TBC1D12: variants seen among roughly 807,000 people sequenced by gnomAD.
TBC1D12 encodes the protein TBC1 domain family, member 12.
Under a neutral mutation model 86.7 loss-of-function variants are expected in TBC1D12, and 56 were observed. The ratio of observed to expected loss-of-function variants is 0.65; its 90% CI spans 0.52 to 0.81. The LOEUF (loss-of-function observed/expected upper bound fraction) is 0.81, where lower values mean the gene tolerates loss of function less well. TBC1D12 is among the 30% of genes least tolerant of loss of function. The pLI, the probability that TBC1D12 is intolerant of heterozygous loss-of-function variation, is 0.00. For synonymous variants in TBC1D12, 421 were observed against 411.7 expected, an observed-to-expected ratio of 1.02 and a Z score of -0.27; for missense variants, 1,023 against 1,038.8, an observed-to-expected ratio of 0.98 and a Z score of 0.21.
At chr10:94,451,146 T>C (rs2134105071) in intron 2 of TBC1D12, among the ~76,000 whole-genome samples, 1 of 152,124 alleles carries the variant, frequency 6.6e-6, no homozygotes, top group African/African-American at 2.4e-5. Context: ...TAGTTACCAA[T>C]AATATACAGT....
intron 2 of TBC1D12, among the ~76,000 whole-genome samples, chr10:94,471,355 A>G (rs1171220415): frequency 6.6e-6 from 1 of 151,216 alleles, no homozygotes; most frequent in South Asian, 2.1e-4. Context: ...GAGTTGCTTT[A>G]TATATTAAAT....
At chr10:94,472,186 T>C (rs1157823330) in intron 2 of TBC1D12, among the ~76,000 whole-genome samples, 1 of 152,208 alleles carries the variant, frequency 6.6e-6, no homozygotes, top group East Asian at 1.9e-4. Context: ...AGAGGATTGC[T>C]TGAGCCCAGG....
intron 4 of TBC1D12, among the ~76,000 whole-genome samples, chr10:94,496,169 G>A (rs918317815): frequency 6.6e-6 from 1 of 151,828 alleles, no homozygotes; most frequent in African/African-American, 2.4e-5. Context: ...GATGGTCTGA[G>A]GCATATCTGA....
intron 1 of TBC1D12, 48 bp from the exon 2 acceptor site, chr10:94,441,848 C>T: frequency 1.3e-6 from 2 of 1,584,496 alleles, no homozygotes; most frequent in Non-Finnish European, 1.7e-6. Context: ...TGTTAAATAG[C>T]TCTCTGGTTA....
chr10:94,482,817 C>T (rs930893452), intron 3 of TBC1D12, among the ~76,000 whole-genome samples: 3 of 152,094 alleles, frequency 2.0e-5, no homozygotes, highest in African/African-American at 7.2e-5. Flanking sequence ...CTGTCCTTCC[C>T]AGCCTTAGGT....
intron 2 of TBC1D12, among the ~76,000 whole-genome samples, chr10:94,445,447 T>C (rs2055447916): frequency 6.6e-6 from 1 of 152,138 alleles, no homozygotes; most frequent in African/African-American, 2.4e-5. Context: ...AGAGTTGAAA[T>C]GTAGTTGCTG....
At chr10:94,430,126 A>G (rs1466449455) in intron 1 of TBC1D12, among the ~76,000 whole-genome samples, 2 of 152,198 alleles carry the variant, frequency 1.3e-5, no homozygotes, top group African/African-American at 2.4e-5. Flanking sequence ...CCAGGGCTCA[A>G]GCAGTCCTCC....
rs545414306 is a variant in TBC1D12 at position 94,534,852 on chromosome 10, A to G, written c.*1756A>G. On this transcript the variant is annotated 3_prime_UTR_variant, in exon 13 of 13. Coordinates refer to ENST00000225235, the MANE Select transcript of TBC1D12 (RefSeq NM_015188.2). ...GTGGTATGCCTGGCTTAACTGCTGA[A>G]AATAGAGCATTGAAACTCTTCACAA... is the stretch of plus-strand genomic sequence containing the variant. 7.0e-4 allele frequency: 106 copies of G among 152,284 alleles called. No individual in the cohort carries two copies. Among genetic ancestry groups the G allele is most frequent in the African/African-American group, 2.2e-3 (93 of 41,558 alleles). The allele number at this position is 152,284 out of a possible 1,614,324, so 9.4% of individuals were successfully genotyped here.
chr10:94,458,654 A>C (rs1266110618), intron 2 of TBC1D12, among the ~76,000 whole-genome samples: 1 of 151,982 alleles, frequency 6.6e-6, no homozygotes, highest in African/African-American at 2.4e-5. Flanking sequence ...TGATGTTTGG[A>C]TGTGTCTGAG....
intron 1 of TBC1D12, among the ~76,000 whole-genome samples, chr10:94,406,260 T>C (rs2054852891): frequency 6.6e-6 from 1 of 152,226 alleles, no homozygotes. Flanking sequence ...TTAATATAGC[T>C]AGATGACATT....
rs573412083 is a variant in TBC1D12 at position 94,423,488 on chromosome 10, C to T, written c.972-18408C>T. On this transcript the variant is annotated intron_variant, in intron 1 of 12. Transcript: ENST00000225235. ...TCAGCCTCCTGAGTAGCTGGGATTA[C>T]AGGTGCCCGCTACCACGCCCGGCTA... Among the ~76,000 whole-genome samples the T allele has an allele frequency of 1.3e-4, 20 of 151,944 alleles. No individual in the cohort carries two copies. The East Asian group carries it at 1.6e-3, about 12-fold the overall frequency.
chr10:94,490,154 C>T (rs542424469), intron 3 of TBC1D12, among the ~76,000 whole-genome samples: 3 of 151,850 alleles, frequency 2.0e-5, no homozygotes, highest in South Asian at 4.2e-4. Flanking sequence ...AAGAGGCTGA[C>T]GCAGGAGAAT....
rs147604440 is a variant in TBC1D12, at chr10:94,494,892, G to A, written c.1294+1445G>A. On this transcript the variant is annotated intron_variant, in intron 4 of 12. Transcript: ENST00000225235. ...ATTTATTTATTTTAGAGACGGGGTC[G>A]CACTTGTTACCTAGGCCAGAGTGCA... Among the ~76,000 whole-genome samples, 15 of 151,344 alleles carry A rather than the reference G, an allele frequency of 9.9e-5. No homozygotes were observed. The East Asian group carries it at 1.8e-3, about 18-fold the overall frequency.
At chr10:94,459,235 C>G (rs916854712) in intron 2 of TBC1D12, among the ~76,000 whole-genome samples, 1 of 151,934 alleles carries the variant, frequency 6.6e-6, no homozygotes, top group Non-Finnish European at 1.5e-5. Flanking sequence ...AAAAGTTCGC[C>G]AAGTCCCCAC....
chr10:94,460,776 C>A (rs960491149), intron 2 of TBC1D12, among the ~76,000 whole-genome samples: 1 of 151,564 alleles, frequency 6.6e-6, no homozygotes, highest in East Asian at 1.9e-4. Flanking sequence ...ACTTTTTTTC[C>A]CAGTCTTTTT....
At chr10:94,482,774 A>G (rs1349834908) in intron 3 of TBC1D12, among the ~76,000 whole-genome samples, 1 of 152,048 alleles carries the variant, frequency 6.6e-6, no homozygotes, top group African/African-American at 2.4e-5. Flanking sequence ...TTTAAAATCT[A>G]TTAACCATCC....
intron 2 of TBC1D12, among the ~76,000 whole-genome samples, chr10:94,468,769 T>C (rs1196277554): frequency 6.6e-6 from 1 of 152,222 alleles, no homozygotes; most frequent in Non-Finnish European, 1.5e-5. Flanking sequence ...TTCTCCCTCG[T>C]ACCAACACTC....
intron 9 of TBC1D12, 137 bp downstream of exon 9, chr10:94,511,791 T>C (rs912151924): frequency 4.5e-6 from 3 of 664,092 alleles, no homozygotes; most frequent in Middle Eastern, 4.2e-4. Context: ...ATTTACCCAG[T>C]GAAGAATCTT....
intron 9 of TBC1D12, among the ~76,000 whole-genome samples, chr10:94,519,197 G>C (rs1842078036): frequency 6.6e-6 from 1 of 152,058 alleles, no homozygotes; most frequent in African/African-American, 2.4e-5. Context: ...ACCATCTTAG[G>C]TACAATTAAA....
Sources: gnomAD v4.1 joint callset for allele counts (sites outside exome capture counted in the v4.1 genomes callset) on GRCh38, gnomAD v4.1.1 for gene constraint, MANE v1.5 for transcripts, NCBI Gene and HGNC (gene_info 2026-07-23, HGNC 2026-07-21) for gene names.